The following IL1RL1 variants were observed in gnomAD, a reference collection of about 807,000 sequenced individuals.
IL1RL1 encodes interleukin 1 receptor like 1.
A neutral mutation model predicts 50.9 loss-of-function variants in IL1RL1; 32 were observed. The observed-to-expected ratio is 0.63, with a 90% CI of 0.47 to 0.84. IL1RL1 has a LOEUF of 0.84. IL1RL1 is among the 40% of genes least tolerant of loss of function. IL1RL1 has a pLI of 0.00. For synonymous variants in IL1RL1, 275 were observed against 236.0 expected, an observed-to-expected ratio of 1.17 and a Z score of -1.51; for missense variants, 773 against 662.9, an observed-to-expected ratio of 1.17 and a Z score of -1.82.
intron 8 of IL1RL1, chr2:102,343,738 C>T (rs548457658): frequency 1.6e-6 from 2 of 1,245,646 alleles, no homozygotes; most frequent in Non-Finnish European, 2.0e-6. Context: ...AAAGGAAATG[C>T]ACCAACAACC....
chr2:102,350,876 C>T (rs979528720), intron 10 of IL1RL1, among the ~76,000 whole-genome samples: 4 of 152,338 alleles, frequency 2.6e-5, no homozygotes, highest in Non-Finnish European at 4.4e-5. Flanking sequence ...CACGGTTGTG[C>T]TTTCTCCTGT....
rs776692098 is a variant in IL1RL1, at chr2:102,346,653, T to C, written c.971-1292T>C. ...GACCTGGAAAGGAATCCTGTTGAAATGATTTACTTACGGAGTTTTCATTAT... is the reference window on the plus strand; with the variant it reads ...GACCTGGAAAGGAATCCTGTTGAAACGATTTACTTACGGAGTTTTCATTAT... On this transcript the variant is annotated intron_variant, in intron 8 of 10. Transcript: ENST00000233954. Among the ~76,000 whole-genome samples the C allele has an allele frequency of 5.7e-4, 87 of 152,194 alleles. 1 individual carries two copies. Among genetic ancestry groups the C allele is most frequent in the Admixed American group, 5.0e-3 (77 of 15,284 alleles).
intron 3 of IL1RL1, chr2:102,339,351 A>G: frequency 3.6e-6 from 1 of 275,958 alleles, no homozygotes; most frequent in Non-Finnish European, 6.9e-6. Flanking sequence ...GGCTGGAATT[A>G]AGAACAAACT....
Position 102,343,516 on chromosome 2 carries a change from G to A in IL1RL1, c.970+101G>A, listed in dbSNP as rs139756621. 1.0e-3 allele frequency: 1,603 copies of A among 1,601,348 alleles called. 12 individuals carry two copies. The Middle Eastern group carries it at 0.021, about 21-fold the overall frequency. On this transcript the variant is annotated intron_variant, in intron 8 of 10. Coordinates refer to ENST00000233954, the MANE Select transcript of IL1RL1 (RefSeq NM_016232.5). Reference sequence around the variant, plus strand: ...GAGATCCATCAAGACAATGGGAATGGCCTGTGCCATAAAATGTGCTTCTCT... The same window carrying A: ...GAGATCCATCAAGACAATGGGAATGACCTGTGCCATAAAATGTGCTTCTCT...
intron 1 of IL1RL1, among the ~76,000 whole-genome samples, chr2:102,333,814 A>C (rs943216547): frequency 6.6e-6 from 1 of 152,048 alleles, no homozygotes; most frequent in African/African-American, 2.4e-5. Flanking sequence ...TTTAGCTCCC[A>C]CATATGAGTA....
chr2:102,344,353 TATC>T (rs1677703058), intron 8 of IL1RL1: 1 of 943,628 alleles, frequency 1.1e-6, no homozygotes, highest in African/African-American at 1.8e-5. Context: ...CCACACACAT[TATC>T]ATTGTTAAAC....
At chr2:102,318,001 TG>T (rs756320336) in intron 1 of IL1RL1, among the ~76,000 whole-genome samples, 15 of 152,018 alleles carry the variant, frequency 9.9e-5, no homozygotes, top group Non-Finnish European at 1.9e-4. Flanking sequence ...GCACGTGTTG[TG>T]TAGTTAAGAT....
intron 10 of IL1RL1, among the ~76,000 whole-genome samples, chr2:102,349,479 G>C (rs993769682): frequency 6.6e-6 from 1 of 152,150 alleles, no homozygotes; most frequent in African/African-American, 2.4e-5. Context: ...TTCAGAGTTA[G>C]AAGTCCTTTG....
chr2:102,322,165 G>A (rs1676855666), intron 1 of IL1RL1, among the ~76,000 whole-genome samples: 1 of 152,152 alleles, frequency 6.6e-6, no homozygotes. Context: ...AATTCCATAA[G>A]GCAGCCAGTC....
chr2:102,347,727 C>T (rs1420808452), intron 8 of IL1RL1, among the ~76,000 whole-genome samples: 4 of 152,136 alleles, frequency 2.6e-5, no homozygotes, highest in Non-Finnish European at 5.9e-5. Flanking sequence ...TGTCTCTCTG[C>T]CTCTTTTGCC....
chr2:102,334,119 G>A (rs1362942056), intron 1 of IL1RL1, among the ~76,000 whole-genome samples: 1 of 152,176 alleles, frequency 6.6e-6, no homozygotes, highest in Non-Finnish European at 1.5e-5. Context: ...TTTCTGGGTT[G>A]AATGGTAGTT....
At chr2:102,341,169 T>TC in intron 5 of IL1RL1, 1 of 313,632 alleles carries the variant, frequency 3.2e-6, no homozygotes, top group Non-Finnish European at 4.2e-6. Context: ...CAAAACCAGC[T>TC]TTTTTTTTTT....
intron 1 of IL1RL1, among the ~76,000 whole-genome samples, chr2:102,315,980 C>A (rs1415960589): frequency 2.6e-5 from 4 of 152,104 alleles, no homozygotes; most frequent in Non-Finnish European, 5.9e-5. Context: ...TTTTCTTTGT[C>A]TTCAGGCTGT....
intron 1 of IL1RL1, among the ~76,000 whole-genome samples, chr2:102,329,893 A>T (rs1677124976): frequency 6.6e-6 from 1 of 152,214 alleles, no homozygotes; most frequent in African/African-American, 2.4e-5. Flanking sequence ...CGTTGGTGGG[A>T]CTGTAAACTA....
At chr2:102,320,240 C>A (rs1289302817) in intron 1 of IL1RL1, among the ~76,000 whole-genome samples, 1 of 152,184 alleles carries the variant, frequency 6.6e-6, no homozygotes, top group East Asian at 1.9e-4. Context: ...GTCAGTGCAG[C>A]TGGCCTGGGT....
At position 102,344,854 on chromosome 2, in the gene IL1RL1, C is replaced by G. The variant is rs373131279; in HGVS notation, c.970+1439C>G. 6.8e-4 allele frequency: 652 copies of G among 959,548 alleles called. 12 individuals carry two copies. In the South Asian group the frequency reaches 0.027, roughly 40 times the overall value. The allele number at this position is 959,548 out of a possible 1,614,324, so 59.4% of individuals were successfully genotyped here. On this transcript the variant is annotated intron_variant, in intron 8 of 10. Transcript: ENST00000233954. ...TAACTTTCCTCATCATTTGGAAAGT[C>G]AAATTGTTTATTGCTTCCCTACAGT...
chr2:102,328,190 G>C (rs1677068685), intron 1 of IL1RL1, among the ~76,000 whole-genome samples: 1 of 152,182 alleles, frequency 6.6e-6, no homozygotes, highest in African/African-American at 2.4e-5. Context: ...GGGATGCAAG[G>C]CTGGTTCAAC....
intron 1 of IL1RL1, among the ~76,000 whole-genome samples, chr2:102,329,323 T>C (rs1677107013): frequency 6.6e-6 from 1 of 152,194 alleles, no homozygotes; most frequent in Non-Finnish European, 1.5e-5. Context: ...CCTTACACCT[T>C]ATACAAAAAT....
chr2:102,342,046 C>T (rs1449001376), intron 5 of IL1RL1, among the ~76,000 whole-genome samples, 177 bp from the exon 6 acceptor site: 1 of 144,068 alleles, frequency 6.9e-6, no homozygotes, highest in Non-Finnish European at 1.5e-5. Context: ...CTTTCTGTTT[C>T]GTGTGTGTGT....
Sources: gnomAD v4.1 joint callset for allele counts (sites outside exome capture counted in the v4.1 genomes callset) on GRCh38, gnomAD v4.1.1 for gene constraint, MANE v1.5 for transcripts, NCBI Gene and HGNC (gene_info 2026-07-23, HGNC 2026-07-21) for gene names.